Variants in TMEM126A observed in about 807,000 individuals in gnomAD.
TMEM126A encodes optic atrophy 7.
TMEM126A carries 10 observed loss-of-function variants against 18.3 expected under a neutral mutation model. That is an observed-to-expected ratio of 0.55 (90% CI 0.34 to 0.93). TMEM126A has a LOEUF of 0.93. TMEM126A is among the 40% of genes least tolerant of loss of function. The probability of loss-of-function intolerance (pLI) is 0.02; values close to 1 mark genes in which losing one functional copy is unlikely to be tolerated. For missense variants in TMEM126A, 246 were observed against 230.2 expected, an observed-to-expected ratio of 1.07 and a Z score of -0.44; for synonymous variants, 68 against 78.1, an observed-to-expected ratio of 0.87 and a Z score of 0.68.
chr11:85,656,373 C>A lies in TMEM126A; in HGVS notation c.460C>A (p.Pro154Thr), dbSNP rs147771275. The A allele has an allele frequency of 6.2e-7, 1 of 1,612,898 alleles. No homozygotes were observed. Among genetic ancestry groups the A allele is most frequent in the Non-Finnish European group, 8.5e-7 (1 of 1,179,520 alleles). ...AAGTTACTGGATTAGAACTTCTAAG[C>A]CTGTCTTTAGAAAGATGTTATTTCC... ...ILSYWIRTSK[P>T]VFRKMLFPIL... Residue 154 changes from proline (P) to threonine (T), a missense_variant, in exon 5 of 5, where the codon CCT (proline) becomes ACT (threonine). By Grantham distance (38) the Pro-to-Thr change is conservative. Transcript: ENST00000304511.
At chr11:85,649,569 C>T (rs910604548) in intron 1 of TMEM126A, among the ~76,000 whole-genome samples, 2 of 152,116 alleles carry the variant, frequency 1.3e-5, no homozygotes, top group Non-Finnish European at 2.9e-5. Flanking sequence ...CTAAATAATA[C>T]CAAATTCTTT....
In TMEM126A at chr11:85,656,533, G is replaced by A. The variant is rs1211629351; in HGVS notation, c.*32G>A. The A allele has an allele frequency of 1.3e-6, 2 of 1,553,412 alleles. No homozygotes were observed. The highest frequency in any genetic ancestry group is 1.4e-5 in the African/African-American group (1 of 73,658). On this transcript the variant is annotated 3_prime_UTR_variant, in exon 5 of 5. Coordinates refer to ENST00000304511, the MANE Select transcript of TMEM126A (RefSeq NM_032273.4). ...ACAAATATGTAAACAAAAATAAAAT[G>A]GTAAAAACAGTTTATGTCTAATGTT...
In TMEM126A at chr11:85,648,109, G is replaced by A. The variant is rs867595739; in HGVS notation, c.-8+20G>A. 6.6e-6 allele frequency: 1 copy of A among 152,372 alleles called. No individual in the cohort carries two copies. Among genetic ancestry groups the A allele is most frequent in the Non-Finnish European group, 1.5e-5 (1 of 68,152 alleles). 9.4% of individuals were successfully genotyped at this position (152,372 alleles called of 1,614,324 possible). On this transcript the variant is annotated intron_variant, in intron 1 of 4. Coordinates refer to ENST00000304511, the MANE Select transcript of TMEM126A (RefSeq NM_032273.4). ...CATAAGGTACTGGTATTCCGGGGGA[G>A]GGGGTGAAGTAAATGTCCCGGTGTC...
intron 2 of TMEM126A, among the ~76,000 whole-genome samples, chr11:85,650,564 A>T (rs1168706828): frequency 1.3e-5 from 2 of 152,238 alleles, no homozygotes; most frequent in Non-Finnish European, 2.9e-5. Flanking sequence ...ACCTAATTGT[A>T]TAATGTTTTG....
rs916846098 is a variant in TMEM126A at position 85,650,352 on chromosome 11, T to C, written c.86+11T>C. ...TCCAGAAGCAGAAAGGTAAGATCCC[T>C]TCTTAATTTAAAAACACCTTTTATC... On this transcript the variant is annotated intron_variant, in intron 2 of 4. Transcript: ENST00000304511. 33 of 1,578,706 alleles carry C rather than the reference T, an allele frequency of 2.1e-5. No homozygotes were observed. Among genetic ancestry groups the C allele is most frequent in the Non-Finnish European group, 2.8e-5 (32 of 1,148,776 alleles).
chr11:85,650,390 A>C (rs766078895), intron 2 of TMEM126A, 49 bp downstream of exon 2: 12 of 1,282,406 alleles, frequency 9.4e-6, no homozygotes, highest in Non-Finnish European at 1.4e-5. Context: ...GTGGATTTTC[A>C]CCATTGATTC....
At chr11:85,654,323 ACT>A in intron 3 of TMEM126A, 67 bp downstream of exon 3, 1 of 1,438,810 alleles carries the variant, frequency 7.0e-7, no homozygotes, top group South Asian at 1.2e-5. Context: ...TTTAGTCCAT[ACT>A]TATTAATATC....
At position 85,656,393 on chromosome 11, in the gene TMEM126A, A is replaced by G. The variant is rs2082540485; in HGVS notation, c.480A>G (p.Leu160=). The change falls in exon 5 of 5, where the codon TTA becomes TTG. Residue 160 remains leucine, a synonymous_variant. Transcript: ENST00000304511. The stretch of plus-strand genomic sequence containing the variant: ...CTAAGCCTGTCTTTAGAAAGATGTT[A>G]TTTCCTATTTTGCTCCAGACTATGT... ...RTSKPVFRKM[L]FPILLQTMFS... 1.2e-6 allele frequency: 2 copies of G among 1,613,270 alleles called. No individual in the cohort carries two copies. Among genetic ancestry groups the G allele is most frequent in the Non-Finnish European group, 1.7e-6 (2 of 1,179,602 alleles).
At position 85,655,662 on chromosome 11, in the gene TMEM126A, T is replaced by C; in HGVS notation, c.349T>C (p.Tyr117His). The change falls in exon 4 of 5, where the codon TAC becomes CAC. Residue 117 changes from tyrosine (Y) to histidine (H), a missense_variant. Physicochemically the swap from Tyr to His is moderately conservative, Grantham distance 83. Transcript: ENST00000304511. ...GLTGLVIGGL[Y>H]PVFLAIPVNG... is the part of the protein sequence containing the mutation. ...GACTGGTCTTGTTATTGGTGGTCTA[T>C]ACCCTGTTTTCTTGGCTATACCTGT... is the stretch of plus-strand genomic sequence containing the variant. The C allele has an allele frequency of 1.9e-6, 3 of 1,613,720 alleles. No homozygotes were observed. In the African/African-American group the frequency reaches 4.0e-5, roughly 22 times the overall value.
chr11:85,655,489 T>A, intron 3 of TMEM126A, 105 bp from the exon 4 acceptor site: 1 of 845,530 alleles, frequency 1.2e-6, no homozygotes, highest in South Asian at 1.4e-5. Context: ...ATTTGATATA[T>A]TACCTGAAAA....
chr11:85,650,618 A>G (rs868186679), intron 2 of TMEM126A, among the ~76,000 whole-genome samples: 1 of 152,258 alleles, frequency 6.6e-6, no homozygotes, highest in Non-Finnish European at 1.5e-5. Flanking sequence ...GTAAACATTT[A>G]CAGACCCATT....
intron 3 of TMEM126A, chr11:85,655,283 T>A (rs1310543061): frequency 3.5e-6 from 1 of 284,656 alleles, no homozygotes; most frequent in Non-Finnish European, 6.8e-6. Context: ...ACAGACTGAG[T>A]GAAAATATTA....
chr11:85,649,343 G>A (rs910667542), intron 1 of TMEM126A, among the ~76,000 whole-genome samples: 8 of 152,238 alleles, frequency 5.3e-5, no homozygotes, highest in African/African-American at 1.9e-4. Flanking sequence ...CTACTGGCAT[G>A]TAGGCCATAT....
intron 2 of TMEM126A, among the ~76,000 whole-genome samples, chr11:85,652,896 A>G (rs1407851487): frequency 6.6e-6 from 1 of 151,992 alleles, no homozygotes; most frequent in Non-Finnish European, 1.5e-5. Flanking sequence ...CATGATTTTT[A>G]TGATGAAATA....
intron 3 of TMEM126A, among the ~76,000 whole-genome samples, chr11:85,654,644 G>A (rs2082524351): frequency 6.6e-6 from 1 of 151,958 alleles, no homozygotes; most frequent in Admixed American, 6.6e-5. Flanking sequence ...GTAGAGACAG[G>A]GTTTCACCAT....
intron 2 of TMEM126A, among the ~76,000 whole-genome samples, chr11:85,652,282 T>C (rs1467690495): frequency 6.6e-6 from 1 of 152,236 alleles, no homozygotes; most frequent in South Asian, 2.1e-4. Context: ...GCAATAAATG[T>C]TTCAATCATT....
At chr11:85,653,353 C>G (rs1008263815) in intron 2 of TMEM126A, among the ~76,000 whole-genome samples, 1 of 152,078 alleles carries the variant, frequency 6.6e-6, no homozygotes, top group Non-Finnish European at 1.5e-5. Flanking sequence ...GCTACTTTGG[C>G]TAGTTAAGAG....
intron 2 of TMEM126A, among the ~76,000 whole-genome samples, chr11:85,651,738 C>A (rs556520364): frequency 3.3e-5 from 5 of 152,018 alleles, no homozygotes; most frequent in African/African-American, 9.7e-5. Flanking sequence ...GCTCTTTCAC[C>A]CCCCCTCCCC....
intron 2 of TMEM126A, among the ~76,000 whole-genome samples, chr11:85,653,368 G>GAA (rs1172337842): frequency 6.6e-6 from 1 of 152,160 alleles, no homozygotes; most frequent in Non-Finnish European, 1.5e-5. Context: ...TAAGAGTAAT[G>GAA]AAAATCTTAA....
Sources: allele counts gnomAD v4.1 joint callset (sites outside exome capture counted in the v4.1 genomes callset), GRCh38; gene constraint gnomAD v4.1.1; transcripts MANE v1.5; gene names NCBI Gene and HGNC (gene_info 2026-07-23, HGNC 2026-07-21).